Variants in MLKL observed in about 807,000 individuals in gnomAD.
MLKL encodes the protein mixed lineage kinase domain-like protein.
In MLKL, 55 loss-of-function variants were observed where a neutral mutation model predicts 56.5. That is an observed-to-expected ratio of 0.97 (90% CI 0.78 to 1.22). The LOEUF (loss-of-function observed/expected upper bound fraction) is 1.22. MLKL is among the 50% of genes most tolerant of loss of function. The probability of loss-of-function intolerance (pLI) is 0.00; values close to 1 mark genes in which losing one functional copy is unlikely to be tolerated. For synonymous variants in MLKL, 251 were observed against 208.3 expected, an observed-to-expected ratio of 1.20 and a Z score of -1.76; for missense variants, 694 against 573.9, an observed-to-expected ratio of 1.21 and a Z score of -2.14.
At chr16:74,692,550 GA>G in intron 2 of MLKL, 134 bp from the exon 3 acceptor site, 1 of 654,844 alleles carries the variant, frequency 1.5e-6, no homozygotes. Context: ...GATTACTACT[GA>G]TCACCAATAT....
rs578241626 is a variant in MLKL, at chr16:74,680,594, C to T, written c.957-1614G>A. Among the ~76,000 whole-genome samples, 221 of 152,218 alleles carry T rather than the reference C, an allele frequency of 1.5e-3. 1 individual carries two copies. The South Asian group carries it at 0.016, about 11-fold the overall frequency. On this transcript the variant is annotated intron_variant, in intron 6 of 10. Coordinates refer to ENST00000308807, the MANE Select transcript of MLKL (RefSeq NM_152649.4). ...CAATCTCAGCTCACTGCAACCTCTG[C>T]CTCCCAGGTTCAAGCGATTCTCCTG...
Position 74,682,520 on chromosome 16 carries a change from T to C in MLKL, c.956+131A>G, listed in dbSNP as rs1597490112. The C allele has an allele frequency of 4.1e-5, 52 of 1,266,504 alleles. No homozygotes were observed. In the South Asian group the frequency reaches 8.0e-4, roughly 19 times the overall value. The allele number at this position is 1,266,504 out of a possible 1,614,324, so 78.5% of individuals were successfully genotyped here. On this transcript the variant is annotated intron_variant, in intron 6 of 10. Coordinates refer to ENST00000308807, the MANE Select transcript of MLKL (RefSeq NM_152649.4). ...TCCTCCCTCCTATCTGTAATCAGAG[T>C]AAATAGTAAAACAGTGTATGGGAGG... is the stretch of plus-strand genomic sequence containing the variant.
rs373350705 is a variant in MLKL at position 74,682,779 on chromosome 16, C to T, written c.828G>A (p.Pro276=). The stretch of plus-strand genomic sequence containing the variant: ...ACTCCATGACAATGGAGAATTGAGG[C>T]GGAGTCACTGGTGGAAAGGAGCCAG... The part of the protein sequence containing the change: ...FGICIDETVT[P]PQFSIVMEYC... Residue 276 remains proline, a synonymous_variant, in exon 6 of 11, where the codon CCG becomes CCA. Coordinates refer to ENST00000308807, the MANE Select transcript of MLKL (RefSeq NM_152649.4). 1.3e-5 allele frequency: 21 copies of T among 1,613,836 alleles called. No homozygotes were observed. Among genetic ancestry groups the T allele is most frequent in the Admixed American group, 5.0e-5 (3 of 59,954 alleles).
intron 7 of MLKL, chr16:74,678,078 T>A (rs1305539996): frequency 6.6e-6 from 1 of 152,274 alleles, no homozygotes; most frequent in African/African-American, 2.4e-5. Context: ...CTGCAGGTCA[T>A]GGGCTTCTAA....
chr16:74,698,588 G>T (rs1474530078), intron 1 of MLKL, among the ~76,000 whole-genome samples: 1 of 152,152 alleles, frequency 6.6e-6, no homozygotes, highest in African/African-American at 2.4e-5. Context: ...GAGGGCAAAA[G>T]GTTTTACACT....
intron 10 of MLKL, among the ~76,000 whole-genome samples, chr16:74,674,753 G>A (rs1959478055): frequency 6.6e-6 from 1 of 152,020 alleles, no homozygotes; most frequent in Non-Finnish European, 1.5e-5. Context: ...ATCATCCTTG[G>A]CCTTTATTCA....
intron 10 of MLKL, among the ~76,000 whole-genome samples, chr16:74,674,102 A>G (rs1433267780): frequency 6.6e-6 from 1 of 151,762 alleles, no homozygotes; most frequent in African/African-American, 2.4e-5. Flanking sequence ...GGGCTGCCAG[A>G]GAGTTCTTTG....
chr16:74,685,642 T>A lies in MLKL; in HGVS notation c.723-59A>T, dbSNP rs1375770343. 2.9e-6 allele frequency: 4 copies of A among 1,370,194 alleles called. No homozygotes were observed. The African/African-American group carries it at 4.3e-5, about 15-fold the overall frequency. 84.9% of individuals were successfully genotyped at this position (1,370,194 alleles called of 1,614,324 possible). A position where few individuals can be genotyped will look rare whatever the true frequency, so the allele number is the denominator to read the frequency against. ...GAACTGGAAGGTTCCTTAGAGAACA[T>A]TCAGTGTGGTGACCCTCTGTGTATG... On this transcript the variant is annotated intron_variant, in intron 4 of 10. Coordinates refer to ENST00000308807, the MANE Select transcript of MLKL (RefSeq NM_152649.4).
At chr16:74,675,158 G>A (rs541293069) in intron 9 of MLKL, 58 bp from the exon 10 acceptor site, 4 of 1,597,432 alleles carry the variant, frequency 2.5e-6, no homozygotes, top group South Asian at 2.2e-5. Flanking sequence ...ACATCTCTCT[G>A]GATGCTGATG....
intron 10 of MLKL, 148 bp downstream of exon 10, chr16:74,674,812 A>G (rs1369289399): frequency 3.0e-6 from 3 of 993,948 alleles, no homozygotes; most frequent in Non-Finnish European, 2.9e-6. Flanking sequence ...CTTATGACAA[A>G]CAACAATGTT....
At position 74,692,358 on chromosome 16, in the gene MLKL, CT is replaced by C. The variant is rs1960723967; in HGVS notation, c.518del (p.Lys173ArgfsTer4). 3 of 1,613,430 alleles carry C rather than the reference CT, an allele frequency of 1.9e-6. No homozygotes were observed. The highest frequency in any genetic ancestry group is 2.7e-5 in the African/African-American group (2 of 74,870). On this transcript the variant is annotated frameshift_variant, in exon 3 of 11. Coordinates refer to ENST00000308807, the MANE Select transcript of MLKL (RefSeq NM_152649.4). LOFTEE classifies it high-confidence loss of function. ...RRLEINMKEI[K>X]ETLRQYLPPK... ...ATAACTTACACTGCCTCAAAGTTTCCTTGATTTCTTTCATGTTGATTTCTAA... is the reference window on the plus strand; with the variant it reads ...ATAACTTACACTGCCTCAAAGTTTCCTGATTTCTTTCATGTTGATTTCTAA...
At chr16:74,696,749 G>A (rs2144566486) in intron 1 of MLKL, among the ~76,000 whole-genome samples, 1 of 151,546 alleles carries the variant, frequency 6.6e-6, no homozygotes, top group Middle Eastern at 3.4e-3. Context: ...CTTGAGGTCA[G>A]GAGTTGGAAA....
At chr16:74,694,783 ACTC>A (rs922818645) in intron 2 of MLKL, among the ~76,000 whole-genome samples, 21 of 150,948 alleles carry the variant, frequency 1.4e-4, no homozygotes, top group African/African-American at 4.9e-4. Context: ...ACAAAACAAA[ACTC>A]CTCTTCAACG....
chr16:74,693,603 A>T (rs1020640963), intron 2 of MLKL, among the ~76,000 whole-genome samples: 11 of 135,790 alleles, frequency 8.1e-5, no homozygotes, highest in South Asian at 2.4e-4. Flanking sequence ...GAAATGGTAA[A>T]TTTTTTTTTT....
chr16:74,675,533 G>A (rs1364034945), intron 8 of MLKL, 80 bp downstream of exon 8: 28 of 1,570,956 alleles, frequency 1.8e-5, no homozygotes, highest in East Asian at 2.2e-5. Context: ...GTTGAGTTTA[G>A]GTGGTCCTTG....
chr16:74,687,945 C>T (rs1215442406), intron 4 of MLKL, among the ~76,000 whole-genome samples: 1 of 152,028 alleles, frequency 6.6e-6, no homozygotes, highest in East Asian at 1.9e-4. Context: ...CCTGCCTCAG[C>T]CTCCTGAGTA....
At chr16:74,675,832 G>T in intron 7 of MLKL, 68 bp from the exon 8 acceptor site, 1 of 1,511,108 alleles carries the variant, frequency 6.6e-7, no homozygotes, top group Non-Finnish European at 9.0e-7. Context: ...GGCAGGGATT[G>T]TTGCTACACA....
Position 74,687,465 on chromosome 16 carries a change from T to C in MLKL, c.723-1882A>G, listed in dbSNP as rs555503485. 2.6e-5 allele frequency among the ~76,000 whole-genome samples: 4 copies of C among 151,854 alleles called. No homozygotes were observed. The South Asian group carries it at 8.3e-4, about 32-fold the overall frequency. Reference sequence around the variant, plus strand: ...GAAATTGACAAGATATTCCTAAAATTTGTGTGGAAATGAAAGGAATTCAGG... The same window carrying C: ...GAAATTGACAAGATATTCCTAAAATCTGTGTGGAAATGAAAGGAATTCAGG... On this transcript the variant is annotated intron_variant, in intron 4 of 10. Coordinates refer to ENST00000308807, the MANE Select transcript of MLKL (RefSeq NM_152649.4).
intron 2 of MLKL, among the ~76,000 whole-genome samples, chr16:74,694,144 C>T (rs2144552728): frequency 6.6e-6 from 1 of 152,242 alleles, no homozygotes; most frequent in East Asian, 1.9e-4. Flanking sequence ...TGGCATGATG[C>T]TGACTGTGTG....
Sources: gnomAD v4.1 joint callset for allele counts (sites outside exome capture counted in the v4.1 genomes callset) on GRCh38, gnomAD v4.1.1 for gene constraint, MANE v1.5 for transcripts, NCBI Gene and HGNC (gene_info 2026-07-23, HGNC 2026-07-21) for gene names.